TTC34: variants seen among roughly 807,000 people sequenced by gnomAD.
TTC34 encodes the protein tetratricopeptide repeat protein 34.
Under a neutral mutation model 40.7 loss-of-function variants are expected in TTC34, and 44 were observed. The observed-to-expected ratio is 1.08, with a 90% confidence interval of 0.85 to 1.39. The LOEUF is 1.39. Ranked by LOEUF, TTC34 falls within the 40% of genes most tolerant of loss-of-function variation. The pLI is 0.00. For synonymous variants in TTC34, 422 were observed against 398.6 expected, an observed-to-expected ratio of 1.06 and a Z score of -0.70; for missense variants, 884 against 838.0, an observed-to-expected ratio of 1.05 and a Z score of -0.68.
chr1:2,761,725 AC>A lies in TTC34; in HGVS notation c.2226+21883del, dbSNP rs1169504151. ...GCATCTGACAGCCTGGAAACACCCC[AC>A]TGCTTCCAGATGAACATCTGATAGC... On this transcript the variant is annotated intron_variant, in intron 6 of 8. Transcript: ENST00000401095. 7.0e-4 allele frequency among the ~76,000 whole-genome samples: 32 copies of A among 45,678 alleles called. 8 individuals carry two copies. 30.0% of individuals were successfully genotyped at this position (45,678 alleles called of 152,430 possible).
chr1:2,783,721 C>T lies in TTC34; in HGVS notation c.2114G>A (p.Gly705Asp), dbSNP rs1643526783. The change falls in exon 6 of 9, where the codon GGC becomes GAC. Residue 705 changes from glycine to aspartate, a missense_variant. Physicochemically the swap from Gly to Asp is moderately conservative, Grantham distance 94 (BLOSUM62 -1). Transcript: ENST00000401095. ...GTCGAACATGGCCGTCTTCTTCTGG[C>T]CCAGGAACCCATAGCAGCGGGCTCG... is the stretch of plus-strand genomic sequence containing the variant. 3.9e-6 allele frequency: 6 copies of T among 1,545,050 alleles called. No homozygotes were observed. The highest frequency in any genetic ancestry group is 1.4e-5 in the African/African-American group (1 of 72,908).
intron 6 of TTC34, among the ~76,000 whole-genome samples, chr1:2,755,543 C>G (rs1414262927): frequency 9.8e-6 from 1 of 102,424 alleles, no homozygotes; most frequent in African/African-American, 5.2e-5. Flanking sequence ...GTACCCACAC[C>G]CACAGGCGAG....
chr1:2,642,360 G>C (rs541721393), intron 8 of TTC34, among the ~76,000 whole-genome samples: 2 of 152,226 alleles, frequency 1.3e-5, no homozygotes, highest in South Asian at 2.1e-4. Flanking sequence ...CCCTCTGAGG[G>C]GGCTGCTGCC....
rs527256188 is a variant in TTC34 at position 2,800,320 on chromosome 1, C to T, written c.508G>A (p.Asp170Asn). Reference sequence around the variant, plus strand: ...GTGCGAATGAAAGCTACCGTCCGGTCGGCGCTGGAGGCGAAGGCCTGGAGA... The same window carrying T: ...GTGCGAATGAAAGCTACCGTCCGGTTGGCGCTGGAGGCGAAGGCCTGGAGA... Residue 170 changes from aspartate (D) to asparagine (N), a missense_variant, in exon 2 of 9, where the codon GAC (aspartate) becomes AAC (asparagine). Physicochemically the swap from Asp to Asn is conservative, Grantham distance 23. Coordinates refer to ENST00000401095, the Ensembl canonical transcript of TTC34. The T allele has an allele frequency of 2.5e-5, 10 of 398,572 alleles. No individual in the cohort carries two copies. In the South Asian group the frequency reaches 5.1e-4, roughly 20 times the overall value. 24.7% of individuals were successfully genotyped at this position (398,572 alleles called of 1,614,324 possible). A position where few individuals can be genotyped will look rare whatever the true frequency, so the allele number is the denominator to read the frequency against.
chr1:2,645,338 G>T lies in TTC34; in HGVS notation c.2452C>A (p.Gln818Lys), dbSNP rs906301700. 8.5e-6 allele frequency: 13 copies of T among 1,524,598 alleles called. No individual in the cohort carries two copies. The highest frequency in any genetic ancestry group is 2.0e-5 in the Admixed American group (1 of 49,696). The allele number at this position is 1,524,598 out of a possible 1,614,324, so 94.4% of individuals were successfully genotyped here. ...GCCAGGAGGAGGTGCCAGTGCGGTTGCCCTGAGTCGATTTTGATCAGCGCC... is the reference window on the plus strand; with the variant it reads ...GCCAGGAGGAGGTGCCAGTGCGGTTTCCCTGAGTCGATTTTGATCAGCGCC... The change falls in exon 7 of 9, where the codon CAA becomes AAA. Residue 818 changes from glutamine (Q) to lysine (K), a missense_variant. Transcript: ENST00000401095. The surrounding 1 kb of genome is among the most constrained non-coding windows in gnomAD (Gnocchi z 4.7).
At chr1:2,687,143 C>G (rs1452550498) in intron 6 of TTC34, among the ~76,000 whole-genome samples, 1 of 143,192 alleles carries the variant, frequency 7.0e-6, no homozygotes, top group Admixed American at 6.8e-5. Flanking sequence ...GAGCATCTGA[C>G]AGCCTGGAAC....
chr1:2,798,528 T>C (rs1643735583), intron 2 of TTC34, among the ~76,000 whole-genome samples: 1 of 59,272 alleles, frequency 1.7e-5, no homozygotes, highest in African/African-American at 7.1e-5. Flanking sequence ...CCTCCCAACC[T>C]CTCAGCCTCT....
Position 2,641,915 on chromosome 1 carries a change from A to C in TTC34, c.2713-20T>G. ...CGCCGCCTGCACAGAGGACACAGAG[A>C]GAGGCAGGGAGAGTGGGGTCAGCCC... On this transcript the variant is annotated intron_variant, in intron 8 of 8. Coordinates refer to ENST00000401095, the Ensembl canonical transcript of TTC34. 5 of 1,446,866 alleles carry C rather than the reference A, an allele frequency of 3.5e-6. No individual in the cohort carries two copies. In the South Asian group the frequency reaches 7.1e-5, roughly 21 times the overall value. 89.6% of individuals were successfully genotyped at this position (1,446,866 alleles called of 1,614,324 possible).
intron 8 of TTC34, 128 bp from the exon 9 acceptor site, chr1:2,642,023 G>A (rs1638918108): frequency 1.8e-6 from 2 of 1,084,112 alleles, no homozygotes; most frequent in Admixed American, 3.1e-5. Context: ...GGGGCCCTGG[G>A]CTGCACAGGA....
intron 6 of TTC34, among the ~76,000 whole-genome samples, chr1:2,700,351 C>A (rs867885529): frequency 8.9e-6 from 1 of 112,104 alleles, no homozygotes; most frequent in South Asian, 2.7e-4. Flanking sequence ...GAGCATCCGA[C>A]AGCCTGGAGC....
At chr1:2,684,427 C>T (rs1389170113) in intron 6 of TTC34, among the ~76,000 whole-genome samples, 1 of 130,586 alleles carries the variant, frequency 7.7e-6, no homozygotes, top group Non-Finnish European at 1.7e-5. Flanking sequence ...ACTGGAACAC[C>T]ACCCTGCACC....
intron 6 of TTC34, among the ~76,000 whole-genome samples, chr1:2,778,290 G>A (rs1643377206): frequency 6.6e-6 from 1 of 152,234 alleles, no homozygotes; most frequent in Non-Finnish European, 1.5e-5. Context: ...AAGCATCAGG[G>A]CAGACAGCCA....
At chr1:2,641,210 T>TTGGGAAGGGGTGTGTGGGGAGGGC in exon 9 of TTC34, 1 of 436,156 alleles carries the variant, frequency 2.3e-6, no homozygotes, top group Non-Finnish European at 3.1e-6. Flanking sequence ...GTGGGGAGGG[T>TTGGGAAGGGGTGTGTGGGGAGGGC]TGGGAAGGGG....
chr1:2,645,913 G>A lies in TTC34; in HGVS notation c.2227-350C>T, dbSNP rs939831124. Reference sequence around the variant, plus strand: ...CCTGGGTCCCTCGCTCTCCCAGCTTGTAGCTGGCTCCCTCCACGCCTGTCC... The same window carrying A: ...CCTGGGTCCCTCGCTCTCCCAGCTTATAGCTGGCTCCCTCCACGCCTGTCC... On this transcript the variant is annotated intron_variant, in intron 6 of 8. Coordinates refer to ENST00000401095, the Ensembl canonical transcript of TTC34. The surrounding 1 kb of genome is among the most constrained non-coding windows in gnomAD (Gnocchi z 4.7). Among the ~76,000 whole-genome samples the A allele has an allele frequency of 6.6e-6, 1 of 152,148 alleles. No homozygotes were observed. Among genetic ancestry groups the A allele is most frequent in the Non-Finnish European group, 1.5e-5 (1 of 68,028 alleles).
Position 2,790,364 on chromosome 1 carries a change from G to A in TTC34, c.785-18C>T, listed in dbSNP as rs1249154557. On this transcript the variant is annotated intron_variant, in intron 2 of 8. Coordinates refer to ENST00000401095, the Ensembl canonical transcript of TTC34. The stretch of plus-strand genomic sequence containing the variant: ...GCGCTCACCTGCGGAGAGAAACAGA[G>A]GCGTGGGTTCTGCCTGGGGGGCCGA... 2 of 398,572 alleles carry A rather than the reference G, an allele frequency of 5.0e-6. No individual in the cohort carries two copies. The highest frequency in any genetic ancestry group is 8.8e-6 in the Non-Finnish European group (2 of 226,058). The allele number at this position is 398,572 out of a possible 1,614,324, so 24.7% of individuals were successfully genotyped here.
intron 6 of TTC34, among the ~76,000 whole-genome samples, chr1:2,753,214 AC>A (rs1641384613): frequency 1.0e-5 from 1 of 98,700 alleles, no homozygotes; most frequent in African/African-American, 4.9e-5. Context: ...AGCACCCCAC[AC>A]CCACAGGTGA....
chr1:2,641,851 G>C (rs1638914215), exon 9 of TTC34: 7 of 1,517,606 alleles, frequency 4.6e-6, no homozygotes, highest in Non-Finnish European at 6.2e-6. Flanking sequence ...GCGCCTGCCT[G>C]GGTTGCCCTG....
intron 6 of TTC34, among the ~76,000 whole-genome samples, chr1:2,652,485 C>A (rs74668025): frequency 0.014 from 907 of 62,814 alleles, no homozygotes; most frequent in African/African-American, 0.022. Flanking sequence ...GAACCCACAC[C>A]CCCAGGCGAG....
Position 2,785,803 on chromosome 1 carries a change from G to A in TTC34, c.2059+16C>T. ...GGCACAAGACTGGGCCCTGGGGGCA[G>A]GTGGGCAGCTCCTACCTGCGGCAAA... On this transcript the variant is annotated intron_variant, in intron 5 of 8. Coordinates refer to ENST00000401095, the Ensembl canonical transcript of TTC34. The A allele has an allele frequency of 1.9e-6, 3 of 1,541,890 alleles. No individual in the cohort carries two copies. Among genetic ancestry groups the A allele is most frequent in the Non-Finnish European group, 2.6e-6 (3 of 1,142,876 alleles).
Sources: allele counts gnomAD v4.1 joint callset (sites outside exome capture counted in the v4.1 genomes callset), GRCh38; gene constraint gnomAD v4.1.1; non-coding constraint Gnocchi (gnomAD v3.1); transcripts MANE v1.5; gene names NCBI Gene and HGNC (gene_info 2026-07-23, HGNC 2026-07-21).